Variants in KCNH7 observed in about 807,000 individuals in gnomAD.
The protein encoded by KCNH7 is voltage-gated inwardly rectifying potassium channel KCNH7.
A neutral mutation model predicts 120.8 loss-of-function variants in KCNH7; 49 were observed. That is an observed-to-expected ratio of 0.41 (90% CI 0.32 to 0.51). The LOEUF is 0.51. KCNH7 is among the 20% of genes least tolerant of loss of function. KCNH7 has a pLI of 0.38. For synonymous variants in KCNH7, 547 were observed against 516.1 expected, an observed-to-expected ratio of 1.06 and a Z score of -0.81; for missense variants, 1,097 against 1,446.6, an observed-to-expected ratio of 0.76 and a Z score of 3.92.
Position 162,435,420 on chromosome 2 carries a change from T to C in KCNH7, c.1732A>G (p.Arg578Gly). The C allele has an allele frequency of 6.2e-7, 1 of 1,613,886 alleles. No individual in the cohort carries two copies. The highest frequency in any genetic ancestry group is 1.1e-5 in the South Asian group (1 of 91,072). ...CCGATTTTGTCAGTCAGGTAAGGCC[T>C]TTCTACATTCCCAATCGCATACCAA... ...CIWYAIGNVE[R>G]PYLTDKIGWL... The change falls in exon 8 of 16, where the codon AGG becomes GGG. Residue 578 changes from arginine to glycine, a missense_variant. This residue lies in a region of KCNH7 where 36 missense variants were observed against 46.8 expected (regional missense o/e 0.77). Transcript: ENST00000332142.
At chr2:162,410,091 T>C (rs1050715431) in intron 9 of KCNH7, among the ~76,000 whole-genome samples, 11 of 151,916 alleles carry the variant, frequency 7.2e-5, no homozygotes, top group Admixed American at 2.6e-4. Context: ...TCTAAAATCA[T>C]ATGAAACCAG....
intron 2 of KCNH7, among the ~76,000 whole-genome samples, chr2:162,724,939 G>T (rs1474376140): frequency 1.3e-5 from 2 of 152,260 alleles, no homozygotes; most frequent in African/African-American, 4.8e-5. Flanking sequence ...TTTTTCTCAT[G>T]ACTCACTGAA....
chr2:162,471,462 A>C (rs1219362310), intron 6 of KCNH7, among the ~76,000 whole-genome samples: 1 of 152,126 alleles, frequency 6.6e-6, no homozygotes, highest in East Asian at 1.9e-4. Flanking sequence ...AATGAGAAAG[A>C]GCCTTGGAGA....
chr2:162,760,609 T>G (rs1688936499), intron 2 of KCNH7, among the ~76,000 whole-genome samples: 1 of 152,068 alleles, frequency 6.6e-6, no homozygotes, highest in African/African-American at 2.4e-5. Context: ...TTCTCATTAC[T>G]CCTCTAAATA....
chr2:162,652,368 C>T (rs1336012563), intron 2 of KCNH7, among the ~76,000 whole-genome samples: 1 of 152,008 alleles, frequency 6.6e-6, no homozygotes, highest in Non-Finnish European at 1.5e-5. Context: ...CAGAAGCAGC[C>T]CTCAACCTTT....
At chr2:162,685,885 C>A (rs1358649798) in intron 2 of KCNH7, among the ~76,000 whole-genome samples, 1 of 151,920 alleles carries the variant, frequency 6.6e-6, no homozygotes, top group African/African-American at 2.4e-5. Context: ...TTTACCTAAA[C>A]CTTAATAATG....
intron 6 of KCNH7, among the ~76,000 whole-genome samples, chr2:162,456,345 T>A (rs928127336): frequency 1.4e-5 from 2 of 147,748 alleles, no homozygotes; most frequent in Admixed American, 1.3e-4. Context: ...TTATAATTTA[T>A]ACATTATACA....
At chr2:162,750,510 C>T (rs1039231358) in intron 2 of KCNH7, among the ~76,000 whole-genome samples, 1 of 151,982 alleles carries the variant, frequency 6.6e-6, no homozygotes, top group Non-Finnish European at 1.5e-5. Flanking sequence ...ATTAACATAA[C>T]CCATAAAGTG....
chr2:162,718,850 T>C (rs965617096), intron 2 of KCNH7, among the ~76,000 whole-genome samples: 1 of 152,038 alleles, frequency 6.6e-6, no homozygotes, highest in Non-Finnish European at 1.5e-5. Context: ...CTCTATAAAG[T>C]CATGTTCACT....
At chr2:162,697,389 G>A (rs1290178942) in intron 2 of KCNH7, among the ~76,000 whole-genome samples, 1 of 152,064 alleles carries the variant, frequency 6.6e-6, no homozygotes, top group African/African-American at 2.4e-5. Flanking sequence ...GAAAAATAAG[G>A]GATCGAGGGT....
intron 2 of KCNH7, among the ~76,000 whole-genome samples, chr2:162,677,132 A>AC (rs1413441833): frequency 6.6e-6 from 1 of 151,580 alleles, no homozygotes; most frequent in East Asian, 1.9e-4. Flanking sequence ...TAGTGCTAGT[A>AC]ATTTTTGAAC....
intron 6 of KCNH7, among the ~76,000 whole-genome samples, chr2:162,481,658 G>T (rs960601650): frequency 6.6e-6 from 1 of 152,234 alleles, no homozygotes; most frequent in South Asian, 2.1e-4. Context: ...TATTTGGCTT[G>T]CCTGGAACTT....
intron 2 of KCNH7, among the ~76,000 whole-genome samples, chr2:162,776,644 C>T (rs1051822726): frequency 1.3e-5 from 2 of 152,090 alleles, no homozygotes; most frequent in Admixed American, 1.3e-4. Flanking sequence ...CTAAAAGAGA[C>T]AGTAGCTCAG....
intron 8 of KCNH7, among the ~76,000 whole-genome samples, chr2:162,430,340 T>C (rs1688022655): frequency 1.3e-5 from 2 of 152,232 alleles, no homozygotes; most frequent in Middle Eastern, 6.8e-3. Context: ...CATGCATTTG[T>C]GACTTAGTAT....
chr2:162,729,059 C>T (rs34330168), intron 2 of KCNH7, among the ~76,000 whole-genome samples: 3,230 of 151,868 alleles, frequency 0.021, 72 homozygotes, highest in East Asian at 0.11. Flanking sequence ...AAAGACTGCC[C>T]TTCCCCTATT....
At chr2:162,587,441 A>T (rs2105927049) in intron 2 of KCNH7, among the ~76,000 whole-genome samples, 1 of 152,220 alleles carries the variant, frequency 6.6e-6, no homozygotes, top group East Asian at 1.9e-4. Flanking sequence ...ACTAATACAG[A>T]GTTCATGTTG....
intron 2 of KCNH7, among the ~76,000 whole-genome samples, chr2:162,540,529 A>G (rs866603904): frequency 6.6e-5 from 10 of 152,094 alleles, no homozygotes; most frequent in African/African-American, 2.4e-4. Flanking sequence ...GAACTGCTTT[A>G]AAGGCGTTTT....
intron 3 of KCNH7, among the ~76,000 whole-genome samples, chr2:162,523,005 C>G (rs1178949204): frequency 1.3e-5 from 2 of 151,794 alleles, no homozygotes; most frequent in African/African-American, 4.8e-5. Context: ...CATAGATAGT[C>G]CCATCATCTT....
intron 2 of KCNH7, among the ~76,000 whole-genome samples, chr2:162,655,720 G>T (rs1684730826): frequency 6.6e-6 from 1 of 152,176 alleles, no homozygotes; most frequent in Non-Finnish European, 1.5e-5. Flanking sequence ...TTGAACCTGG[G>T]AGGCGGAGGT....
Sources: gnomAD v4.1 joint callset for allele counts (sites outside exome capture counted in the v4.1 genomes callset) on GRCh38, gnomAD v4.1.1 for gene constraint, gnomAD v4.1.1 regional missense constraint, MANE v1.5 for transcripts, NCBI Gene and HGNC (gene_info 2026-07-23, HGNC 2026-07-21) for gene names.